Variants in BAZ2B observed in about 807,000 individuals in gnomAD.
BAZ2B encodes the protein bromodomain adjacent to zinc finger domain protein 2B.
A neutral mutation model predicts 246.0 loss-of-function variants in BAZ2B; 91 were observed. The ratio of observed to expected loss-of-function variants is 0.37; its 90% CI spans 0.31 to 0.44. BAZ2B has a LOEUF of 0.44. BAZ2B is among the 20% of genes least tolerant of loss of function. The pLI is 1.00. For missense variants in BAZ2B, 2,332 were observed against 2,533.7 expected, an observed-to-expected ratio of 0.92 and a Z score of 1.71; for synonymous variants, 855 against 860.0, an observed-to-expected ratio of 0.99 and a Z score of 0.10.
At chr2:159,529,070 AC>A (rs1402795553) in intron 2 of BAZ2B, among the ~76,000 whole-genome samples, 1 of 152,024 alleles carries the variant, frequency 6.6e-6, no homozygotes, top group Admixed American at 6.5e-5. Flanking sequence ...TATGTAACAA[AC>A]CTGCACGTTG....
At chr2:159,496,581 G>A (rs1312837198) in intron 2 of BAZ2B, among the ~76,000 whole-genome samples, 4 of 149,514 alleles carry the variant, frequency 2.7e-5, no homozygotes, top group African/African-American at 9.8e-5. Flanking sequence ...TCGGGAGTTC[G>A]AGACCAGCCT....
At chr2:159,474,374 T>G (rs973640598) in intron 3 of BAZ2B, among the ~76,000 whole-genome samples, 4 of 152,234 alleles carry the variant, frequency 2.6e-5, no homozygotes, top group Non-Finnish European at 5.9e-5. Flanking sequence ...AGAGCAGGAC[T>G]GCAACCCCTG....
intron 1 of BAZ2B, among the ~76,000 whole-genome samples, chr2:159,601,241 C>T (rs1260907105): frequency 6.6e-6 from 1 of 152,092 alleles, no homozygotes; most frequent in East Asian, 1.9e-4. Flanking sequence ...ACCAAAAAAA[C>T]CCCTTCAACA....
chr2:159,672,261 A>C, the BAZ2B span, among the ~76,000 whole-genome samples: 11 of 152,232 alleles, frequency 7.2e-5, no homozygotes, highest in African/African-American at 2.4e-4. Flanking sequence ...TTGAAGAGGA[A>C]GCGGTGTTAA....
At chr2:159,642,213 T>C in the BAZ2B span, among the ~76,000 whole-genome samples, 1 of 151,444 alleles carries the variant, frequency 6.6e-6, no homozygotes, top group Non-Finnish European at 1.5e-5. Flanking sequence ...GATTGTTTTC[T>C]ATTTTCTTTT....
intron 3 of BAZ2B, chr2:159,463,447 G>T: frequency 1.1e-5 from 2 of 177,800 alleles, no homozygotes; most frequent in Non-Finnish European, 2.4e-5. Context: ...AGTTTTTTGA[G>T]GAACCTCCAT....
intron 14 of BAZ2B, among the ~76,000 whole-genome samples, chr2:159,409,048 T>G (rs1337303003): frequency 1.5e-5 from 2 of 137,122 alleles, no homozygotes; most frequent in African/African-American, 5.9e-5. Flanking sequence ...CATTTATTTG[T>G]TTTTTTTTTG....
Position 159,386,671 on chromosome 2 carries a change from G to A in BAZ2B, c.3217-64C>T, listed in dbSNP as rs2062690843. On this transcript the variant is annotated intron_variant, in intron 21 of 36. Coordinates refer to ENST00000392783, the MANE Select transcript of BAZ2B (RefSeq NM_013450.4). The stretch of plus-strand genomic sequence containing the variant: ...TTAATTTTTTAAAAGCCATGATTTC[G>A]TATCTTCTAAAGTAAAATAAGCTGC... 4.1e-6 allele frequency: 6 copies of A among 1,462,098 alleles called. No individual in the cohort carries two copies. In the African/African-American group the frequency reaches 8.6e-5, roughly 21 times the overall value. The allele number at this position is 1,462,098 out of a possible 1,614,324, so 90.6% of individuals were successfully genotyped here.
the BAZ2B span, among the ~76,000 whole-genome samples, chr2:159,686,959 G>A: frequency 3.4e-5 from 5 of 146,532 alleles, no homozygotes; most frequent in African/African-American, 5.1e-5. Flanking sequence ...GGAGAATGGC[G>A]TCAACCCGGG....
intron 2 of BAZ2B, among the ~76,000 whole-genome samples, chr2:159,504,997 T>C (rs2082185685): frequency 6.6e-6 from 1 of 152,202 alleles, no homozygotes; most frequent in South Asian, 2.1e-4. Context: ...AAGCTACATA[T>C]TTATTATATA....
chr2:159,414,139 C>T (rs937444800), intron 13 of BAZ2B, among the ~76,000 whole-genome samples: 4 of 152,100 alleles, frequency 2.6e-5, no homozygotes, highest in African/African-American at 9.7e-5. Context: ...GAGAATATCA[C>T]GTTAAGTGAA....
the BAZ2B span, among the ~76,000 whole-genome samples, chr2:159,686,419 A>G: frequency 1.5e-3 from 234 of 152,258 alleles, 1 homozygote; most frequent in African/African-American, 5.5e-3. Flanking sequence ...AAATAACCCC[A>G]CTCCAATCAT....
chr2:159,607,205 C>A (rs185937608), intron 1 of BAZ2B, among the ~76,000 whole-genome samples: 2 of 152,108 alleles, frequency 1.3e-5, no homozygotes, highest in Non-Finnish European at 2.9e-5. Flanking sequence ...CAGCAGTCTG[C>A]TTGTCTTCTG....
chr2:159,376,179 T>C (rs2061395672), intron 25 of BAZ2B, among the ~76,000 whole-genome samples: 1 of 152,206 alleles, frequency 6.6e-6, no homozygotes, highest in Non-Finnish European at 1.5e-5. Flanking sequence ...TTGGTGATAA[T>C]GTTACCTACT....
chr2:159,501,193 A>T lies in BAZ2B; in HGVS notation c.-2-22472T>A, dbSNP rs1271091210. 8.1e-5 allele frequency among the ~76,000 whole-genome samples: 8 copies of T among 99,170 alleles called. 1 individual carries two copies. The highest frequency in any genetic ancestry group is 6.5e-4 in the Admixed American group (5 of 7,748). The allele number at this position is 99,170 out of a possible 152,430, so 65.1% of individuals were successfully genotyped here. On this transcript the variant is annotated intron_variant, in intron 2 of 36. Transcript: ENST00000392783. ...TATATATTATATATATTTATATATA[A>T]TATATATATTTTTATATATATTATA...
At chr2:159,324,058 T>G (rs2063099596) in intron 36 of BAZ2B, among the ~76,000 whole-genome samples, 1 of 152,234 alleles carries the variant, frequency 6.6e-6, no homozygotes, top group East Asian at 1.9e-4. Context: ...CTGATCATTA[T>G]AAGTTCTATT....
chr2:159,689,145 G>A, the BAZ2B span: 1 of 376,388 alleles, frequency 2.7e-6, no homozygotes, highest in South Asian at 2.2e-5. Context: ...AACTTGTCTA[G>A]CTCCATAAAA....
At chr2:159,378,691 G>T (rs1278944458) in intron 25 of BAZ2B, among the ~76,000 whole-genome samples, 1 of 152,124 alleles carries the variant, frequency 6.6e-6, no homozygotes, top group Non-Finnish European at 1.5e-5. Flanking sequence ...ACAGGTATGT[G>T]AAAAGATGTC....
At chr2:159,683,102 G>A in the BAZ2B span, among the ~76,000 whole-genome samples, 15 of 151,838 alleles carry the variant, frequency 9.9e-5, no homozygotes, top group South Asian at 2.1e-3. Context: ...TTATACTTTC[G>A]ACAAATGTAT....
Sources: gnomAD v4.1 joint callset for allele counts (sites outside exome capture counted in the v4.1 genomes callset) on GRCh38, gnomAD v4.1.1 for gene constraint, MANE v1.5 for transcripts, NCBI Gene and HGNC (gene_info 2026-07-23, HGNC 2026-07-21) for gene names.